The following CHMP4C variants were observed in gnomAD, a reference collection of about 807,000 sequenced individuals.
CHMP4C encodes charged multivesicular body protein 4C, also known as SNF7 homolog associated with Alix 3.
In CHMP4C, 28 loss-of-function variants were observed where a neutral mutation model predicts 29.0. The observed-to-expected ratio is 0.97, with a 90% CI of 0.72 to 1.32. The LOEUF is 1.32. CHMP4C is among the 40% of genes most tolerant of loss of function. The pLI is 0.00. For synonymous variants in CHMP4C, 106 were observed against 102.4 expected, an observed-to-expected ratio of 1.04 and a Z score of -0.21; for missense variants, 291 against 281.0, an observed-to-expected ratio of 1.04 and a Z score of -0.25.
intron 1 of CHMP4C, among the ~76,000 whole-genome samples, chr8:81,749,486 G>A (rs1360025249): frequency 6.6e-6 from 1 of 152,110 alleles, no homozygotes; most frequent in Non-Finnish European, 1.5e-5. Flanking sequence ...TTTTCTCCAA[G>A]GGCTTATAAT....
At chr8:81,742,110 C>T (rs151022474) in intron 1 of CHMP4C, among the ~76,000 whole-genome samples, 2 of 152,228 alleles carry the variant, frequency 1.3e-5, no homozygotes, top group African/African-American at 4.8e-5. Flanking sequence ...ATACCTAGAC[C>T]AATGGCTTTT....
chr8:81,739,413 G>GA (rs1322271925), intron 1 of CHMP4C, among the ~76,000 whole-genome samples: 138 of 58,416 alleles, frequency 2.4e-3, no homozygotes, highest in African/African-American at 0.011. Context: ...AGGCCTGGGG[G>GA]ATTGTGGGGG....
At chr8:81,744,447 A>G (rs1009812746) in intron 1 of CHMP4C, among the ~76,000 whole-genome samples, 1 of 152,208 alleles carries the variant, frequency 6.6e-6, no homozygotes, top group Non-Finnish European at 1.5e-5. Context: ...TACATAGAAG[A>G]AATGTAGCCA....
Position 81,734,434 on chromosome 8 carries a change from G to T in CHMP4C, c.190+1618G>T, listed in dbSNP as rs186186134. ...CAACCTCTGCCGCCCAGGTTCAAGC[G>T]ATTCTCCTGCCTCAGCCTCCCGAGT... is the stretch of plus-strand genomic sequence containing the variant. On this transcript the variant is annotated intron_variant, in intron 1 of 4. Transcript: ENST00000297265. Among the ~76,000 whole-genome samples the T allele has an allele frequency of 5.3e-4, 81 of 152,264 alleles. 2 individuals carry two copies. The highest frequency in any genetic ancestry group is 1.6e-3 in the Admixed American group (25 of 15,292).
In CHMP4C at chr8:81,753,374, T is replaced by C. The variant is rs982834680; in HGVS notation, c.368+133T>C. 4 of 523,260 alleles carry C rather than the reference T, an allele frequency of 7.6e-6. No individual in the cohort carries two copies. The African/African-American group carries it at 7.9e-5, about 10-fold the overall frequency. 32.4% of individuals were successfully genotyped at this position (523,260 alleles called of 1,614,324 possible). A position where few individuals can be genotyped will look rare whatever the true frequency, so the allele number is the denominator to read the frequency against. ...CTTTGACATGTTGAATAAAATACTG[T>C]CTCAGAGAAAGATTAAAGGTTATAG... On this transcript the variant is annotated intron_variant, in intron 2 of 4. Transcript: ENST00000297265.
At chr8:81,744,770 T>C (rs1808801948) in intron 1 of CHMP4C, among the ~76,000 whole-genome samples, 1 of 152,208 alleles carries the variant, frequency 6.6e-6, no homozygotes. Context: ...GCCCATTTCA[T>C]ATTTTGTCTC....
chr8:81,735,330 G>A, intron 1 of CHMP4C, among the ~76,000 whole-genome samples: 1 of 152,194 alleles, frequency 6.6e-6, no homozygotes, highest in East Asian at 1.9e-4. Flanking sequence ...TGTAATCTAA[G>A]CTATGGAAAG....
intron 1 of CHMP4C, among the ~76,000 whole-genome samples, chr8:81,748,884 G>A (rs187247196): frequency 0.011 from 1,639 of 144,272 alleles, 44 homozygotes; most frequent in African/African-American, 0.04. Flanking sequence ...CCAAGATCGC[G>A]CCACTGCACT....
At chr8:81,733,305 GT>G in intron 1 of CHMP4C, among the ~76,000 whole-genome samples, 1 of 152,214 alleles carries the variant, frequency 6.6e-6, no homozygotes, top group Admixed American at 6.5e-5. Flanking sequence ...ATTACTGAGT[GT>G]TTTCGCACCC....
intron 1 of CHMP4C, among the ~76,000 whole-genome samples, chr8:81,736,030 G>T (rs1585939985): frequency 6.6e-6 from 1 of 151,802 alleles, no homozygotes; most frequent in African/African-American, 2.4e-5. Flanking sequence ...AGGTTGCAGT[G>T]AGCAGAGATC....
chr8:81,756,660 G>T (rs1223470665), intron 3 of CHMP4C, among the ~76,000 whole-genome samples: 1 of 152,074 alleles, frequency 6.6e-6, no homozygotes, highest in Non-Finnish European at 1.5e-5. Context: ...GGTACCTAAA[G>T]GATGAAAATG....
At chr8:81,733,590 A>G (rs1224671496) in intron 1 of CHMP4C, among the ~76,000 whole-genome samples, 1 of 152,086 alleles carries the variant, frequency 6.6e-6, no homozygotes, top group Non-Finnish European at 1.5e-5. Context: ...GGCACACACA[A>G]GAGACTTTGA....
Position 81,755,454 on chromosome 8 carries a change from A to G in CHMP4C, c.453A>G (p.Gln151=). The part of the protein sequence containing the change: ...IAQEISEAFS[Q]RVGFGDDFDE... ...AAGAAATCTCAGAAGCATTTTCTCA[A>G]CGGGTTGGCTTTGGTGATGACTTTG... is the stretch of plus-strand genomic sequence containing the variant. The change falls in exon 3 of 5, where the codon CAA becomes CAG. Residue 151 remains glutamine (Q), a synonymous_variant. Transcript: ENST00000297265. The G allele has an allele frequency of 6.2e-7, 1 of 1,611,772 alleles. No individual in the cohort carries two copies. Among genetic ancestry groups the G allele is most frequent in the African/African-American group, 1.3e-5 (1 of 74,952 alleles).
rs528902989 is a variant in CHMP4C at position 81,755,425 on chromosome 8, G to A, written c.424G>A (p.Ala142Thr). 1.2e-5 allele frequency: 20 copies of A among 1,612,294 alleles called. No homozygotes were observed. The highest frequency in any genetic ancestry group is 4.5e-5 in the East Asian group (2 of 44,828). ...MQEITEQQDI[A>T]QEISEAFSQR... ...AGAGATCACAGAGCAACAGGATATC[G>A]CCCAAGAAATCTCAGAAGCATTTTC... The change falls in exon 3 of 5, where the codon GCC (alanine) becomes ACC (threonine). Residue 142 changes from alanine to threonine, a missense_variant. Ala to Thr is a moderately conservative substitution (Grantham distance 58, BLOSUM62 0). Transcript: ENST00000297265.
intron 1 of CHMP4C, among the ~76,000 whole-genome samples, chr8:81,737,582 G>A (rs376256025): frequency 6.6e-6 from 1 of 152,172 alleles, no homozygotes; most frequent in African/African-American, 2.4e-5. Flanking sequence ...AAGTATCTTG[G>A]TGTTGTAGTT....
At chr8:81,755,711 A>G (rs1221980827) in intron 3 of CHMP4C, among the ~76,000 whole-genome samples, 2 of 152,210 alleles carry the variant, frequency 1.3e-5, no homozygotes, top group Non-Finnish European at 2.9e-5. Context: ...TAAGGAAAGA[A>G]CAGCATGTGA....
In CHMP4C at chr8:81,745,674, C is replaced by T. The variant is rs75713357; in HGVS notation, c.191-7390C>T. ...AATCCCCAATGGGCTGCAGTAAGGA[C>T]TCTTCACGTATCCTGCTAGCAATAG... On this transcript the variant is annotated intron_variant, in intron 1 of 4. Transcript: ENST00000297265. Among the ~76,000 whole-genome samples, 224 of 152,316 alleles carry T rather than the reference C, an allele frequency of 1.5e-3. 3 individuals are homozygous for T. The East Asian group carries it at 0.043, about 29-fold the overall frequency.
At chr8:81,751,599 G>GA (rs991066023) in intron 1 of CHMP4C, among the ~76,000 whole-genome samples, 6 of 151,716 alleles carry the variant, frequency 4.0e-5, no homozygotes, top group African/African-American at 1.2e-4. Flanking sequence ...CAATTAAAGG[G>GA]AAAAAATGAA....
chr8:81,753,353 G>A, intron 2 of CHMP4C, 112 bp downstream of exon 2: 2 of 642,058 alleles, frequency 3.1e-6, no homozygotes. Flanking sequence ...GAGGCTCTTT[G>A]ACATGTTGAA....
Sources: allele counts gnomAD v4.1 joint callset (sites outside exome capture counted in the v4.1 genomes callset), GRCh38; gene constraint gnomAD v4.1.1; transcripts MANE v1.5; gene names NCBI Gene and HGNC (gene_info 2026-07-23, HGNC 2026-07-21).